The following HUNK variants were observed in gnomAD, a reference collection of about 807,000 sequenced individuals.
The protein encoded by HUNK is hormonally up-regulated neu tumor-associated kinase.
In HUNK, 21 loss-of-function variants were observed where a neutral mutation model predicts 61.0. That is an observed-to-expected ratio of 0.34 (90% CI 0.24 to 0.50). The LOEUF is 0.50. Ranked by LOEUF, HUNK falls within the 20% of genes least tolerant of loss-of-function variation. The pLI is 0.98. For synonymous variants in HUNK, 371 were observed against 386.1 expected (o/e 0.96, Z 0.46); for missense variants, 772 against 945.7 (o/e 0.82, Z 2.41).
chr21:31,993,281 C>T (rs996848136), intron 9 of HUNK, among the ~76,000 whole-genome samples: 3 of 152,008 alleles, frequency 2.0e-5, no homozygotes, highest in Non-Finnish European at 4.4e-5. Flanking sequence ...GATACTGGTC[C>T]GCAGAAGTTT....
At chr21:31,923,425 A>T (rs1453175159) in intron 1 of HUNK, among the ~76,000 whole-genome samples, 1 of 151,064 alleles carries the variant, frequency 6.6e-6, no homozygotes, top group Non-Finnish European at 1.5e-5. Flanking sequence ...GGCAACAGAG[A>T]GACTCTGTCA....
chr21:31,958,815 G>A (rs373129971), intron 4 of HUNK, 28 bp from the exon 5 acceptor site: 20 of 1,549,478 alleles, frequency 1.3e-5, no homozygotes, highest in African/African-American at 6.8e-5. Context: ...ACCTGACTCC[G>A]CTTTCATGTG....
intron 1 of HUNK, among the ~76,000 whole-genome samples, chr21:31,880,393 C>T (rs1453467020): frequency 1.3e-5 from 2 of 152,186 alleles, no homozygotes; most frequent in African/African-American, 2.4e-5. Context: ...GGATCCAAAA[C>T]CAAGGTGTTG....
In HUNK at chr21:31,995,633, T is replaced by C. The variant is rs1011656707; in HGVS notation, c.1306-135T>C. On this transcript the variant is annotated intron_variant, in intron 9 of 10. Coordinates refer to ENST00000270112, the MANE Select transcript of HUNK (RefSeq NM_014586.2). ...TGGCTGGGCCACAGCTCCTCCCTCA[T>C]TCAACACACAGTTGAGAGCATAGAG... The C allele has an allele frequency of 6.6e-6, 5 of 752,862 alleles. No individual in the cohort carries two copies. The Admixed American group carries it at 1.3e-4, about 20-fold the overall frequency. The allele number at this position is 752,862 out of a possible 1,614,324, so 46.6% of individuals were successfully genotyped here.
intron 9 of HUNK, among the ~76,000 whole-genome samples, chr21:31,995,542 A>G (rs574626765): frequency 8.5e-5 from 13 of 152,324 alleles, no homozygotes; most frequent in African/African-American, 3.1e-4. Flanking sequence ...GCACAGTGAA[A>G]GGGAACTGGG....
intron 7 of HUNK, 86 bp downstream of exon 7, chr21:31,974,803 T>G (rs1409818200): frequency 3.9e-6 from 5 of 1,286,888 alleles, no homozygotes; most frequent in Non-Finnish European, 4.2e-6. Context: ...TTGCTGACAC[T>G]TGATCCAAGC....
intron 5 of HUNK, among the ~76,000 whole-genome samples, chr21:31,964,661 AC>A (rs1431470613): frequency 6.6e-6 from 1 of 152,064 alleles, no homozygotes; most frequent in Non-Finnish European, 1.5e-5. Context: ...GGTTTTCAGG[AC>A]CCTAAAACAA....
At chr21:31,992,168 C>T (rs1382329092) in intron 9 of HUNK, among the ~76,000 whole-genome samples, 1 of 152,154 alleles carries the variant, frequency 6.6e-6, no homozygotes, top group East Asian at 1.9e-4. Context: ...GTCTTTGGAA[C>T]ACAGAAGCCT....
chr21:31,902,104 AC>A, intron 1 of HUNK, among the ~76,000 whole-genome samples: 1 of 152,280 alleles, frequency 6.6e-6, no homozygotes, highest in South Asian at 2.1e-4. Flanking sequence ...GATAAGCAAG[AC>A]CCTGCAAAAC....
At chr21:31,950,632 C>G (rs2833572) in intron 4 of HUNK, among the ~76,000 whole-genome samples, 45,049 of 152,006 alleles carry the variant, frequency 0.3, 6,914 homozygotes, top group South Asian at 0.46. Context: ...TTCTATCTGT[C>G]TAAACTTGGG....
At chr21:31,996,088 G>A in intron 10 of HUNK, 140 bp downstream of exon 10, 1 of 626,564 alleles carries the variant, frequency 1.6e-6, no homozygotes, top group South Asian at 2.2e-5. Context: ...TAATGGACCT[G>A]AGGTTGCCTG....
At chr21:31,906,776 G>A (rs1473621163) in intron 1 of HUNK, among the ~76,000 whole-genome samples, 11 of 152,122 alleles carry the variant, frequency 7.2e-5, no homozygotes, top group South Asian at 6.2e-4. Context: ...CAGTCAGCTG[G>A]TCCGTGGGCT....
intron 2 of HUNK, among the ~76,000 whole-genome samples, chr21:31,939,038 C>T (rs551523889): frequency 5.3e-5 from 8 of 152,280 alleles, no homozygotes; most frequent in Non-Finnish European, 7.4e-5. Context: ...TTCCTGCCTT[C>T]TAGGAGCTTA....
chr21:31,966,780 G>A (rs1255097235), intron 5 of HUNK, among the ~76,000 whole-genome samples: 1 of 152,142 alleles, frequency 6.6e-6, no homozygotes, highest in Non-Finnish European at 1.5e-5. Flanking sequence ...TGAAGAGAAG[G>A]ATAGAAAAAT....
intron 8 of HUNK, among the ~76,000 whole-genome samples, chr21:31,989,088 C>G (rs1298853294): frequency 6.6e-6 from 1 of 152,154 alleles, no homozygotes; most frequent in African/African-American, 2.4e-5. Flanking sequence ...TCCCAAGGGG[C>G]TGGGATTACA....
intron 3 of HUNK, 146 bp downstream of exon 3, chr21:31,940,366 T>G (rs2052761631): frequency 1.1e-5 from 6 of 542,326 alleles, no homozygotes; most frequent in Non-Finnish European, 1.9e-5. Flanking sequence ...TTAATAATGG[T>G]TTTGAAAATG....
Position 31,877,229 on chromosome 21 carries a change from G to T in HUNK, c.261+3294G>T, listed in dbSNP as rs139782214. On this transcript the variant is annotated intron_variant, in intron 1 of 10. Transcript: ENST00000270112. ...GCTAGTTGAAGGCATTTGGTATGGG[G>T]GTGTGTGTGTGTGTGTAGCGTGTTG... Among the ~76,000 whole-genome samples, 356 of 151,580 alleles carry T rather than the reference G, an allele frequency of 2.3e-3. 1 individual carries two copies. Among genetic ancestry groups the T allele is most frequent in the African/African-American group, 3.7e-3 (152 of 41,354 alleles).
At chr21:31,928,138 A>C (rs893831192) in intron 2 of HUNK, among the ~76,000 whole-genome samples, 1 of 152,204 alleles carries the variant, frequency 6.6e-6, no homozygotes, top group African/African-American at 2.4e-5. Context: ...GAAACCTCAC[A>C]AGTGAATCAG....
chr21:31,887,068 G>T (rs886673520), intron 1 of HUNK, among the ~76,000 whole-genome samples: 16 of 152,314 alleles, frequency 1.1e-4, no homozygotes, highest in African/African-American at 3.1e-4. Flanking sequence ...ATTCCTTGCT[G>T]CTCTGGGTGT....
Sources: allele counts gnomAD v4.1 joint callset (sites outside exome capture counted in the v4.1 genomes callset), GRCh38; gene constraint gnomAD v4.1.1; transcripts MANE v1.5; gene names NCBI Gene and HGNC (gene_info 2026-07-23, HGNC 2026-07-21).